The following FGGY variants were observed in gnomAD, a reference collection of about 807,000 sequenced individuals.
FGGY encodes the protein FGGY carbohydrate kinase domain-containing protein.
In FGGY, 72 loss-of-function variants were observed where a neutral mutation model predicts 71.3. The ratio of observed to expected loss-of-function variants is 1.01; its 90% confidence interval spans 0.84 to 1.23. FGGY has a LOEUF of 1.23. Ranked by LOEUF, FGGY falls within the 50% of genes most tolerant of loss-of-function variation. The probability of loss-of-function intolerance (pLI) is 0.00; values close to 1 mark genes in which losing one functional copy is unlikely to be tolerated. For synonymous variants in FGGY, 251 were observed against 250.3 expected (o/e 1.00, Z -0.02); for missense variants, 668 against 682.3 (o/e 0.98, Z 0.23).
intron 14 of FGGY, among the ~76,000 whole-genome samples, chr1:59,740,988 G>T (rs2098142453): frequency 6.6e-6 from 1 of 152,152 alleles, no homozygotes; most frequent in Non-Finnish European, 1.5e-5. Context: ...AATGATATTT[G>T]GGGTATAATA....
intron 7 of FGGY, among the ~76,000 whole-genome samples, chr1:59,517,922 G>C (rs1194604510): frequency 6.6e-6 from 1 of 152,204 alleles, no homozygotes; most frequent in South Asian, 2.1e-4. Flanking sequence ...ATTTCTGCAG[G>C]AGCAAAAGTT....
chr1:59,558,321 A>T lies in FGGY; in HGVS notation c.903+4094A>T, dbSNP rs11582991. Among the ~76,000 whole-genome samples the T allele has an allele frequency of 4.5e-3, 691 of 152,268 alleles. 4 individuals carry two copies. Among genetic ancestry groups the T allele is most frequent in the Admixed American group, 0.014 (213 of 15,298 alleles). ...CATATTGGGGGAACCCACCCCCAAT[A>T]TTTCAACGTAGGTTCTTTCTATTTT... On this transcript the variant is annotated intron_variant, in intron 8 of 15. Coordinates refer to ENST00000303721, the MANE Select transcript of FGGY (RefSeq NM_018291.5).
intron 8 of FGGY, among the ~76,000 whole-genome samples, chr1:59,557,174 TGTTGTGGTTCTGGCAA>T (rs1211308545): frequency 3.9e-5 from 6 of 152,128 alleles, no homozygotes; most frequent in African/African-American, 1.4e-4. Flanking sequence ...GGACCCCCTT[TGTTGTGGTTCTGGCAA>T]ATAAAACCGC....
intron 7 of FGGY, among the ~76,000 whole-genome samples, chr1:59,518,522 C>T (rs1033799464): frequency 2.0e-5 from 3 of 152,052 alleles, no homozygotes; most frequent in African/African-American, 7.2e-5. Flanking sequence ...AATTGTAATC[C>T]CCAGTGTTGG....
intron 9 of FGGY, among the ~76,000 whole-genome samples, chr1:59,613,802 A>T (rs1054021092): frequency 6.6e-6 from 1 of 152,214 alleles, no homozygotes; most frequent in Non-Finnish European, 1.5e-5. Flanking sequence ...ACAATAAAAA[A>T]TGATAAAGGG....
intron 2 of FGGY, among the ~76,000 whole-genome samples, chr1:59,329,482 T>A (rs977622068): frequency 6.6e-6 from 1 of 152,210 alleles, no homozygotes; most frequent in African/African-American, 2.4e-5. Flanking sequence ...TGAAGCACGA[T>A]AAAATGAGGT....
At chr1:59,516,486 G>A (rs138886951) in intron 7 of FGGY, among the ~76,000 whole-genome samples, 247 of 152,314 alleles carry the variant, frequency 1.6e-3, no homozygotes, top group African/African-American at 5.4e-3. Context: ...GCTATGACAA[G>A]GGCACTCAAA....
intron 6 of FGGY, among the ~76,000 whole-genome samples, chr1:59,469,430 G>A (rs1484360880): frequency 1.3e-5 from 2 of 152,132 alleles, no homozygotes; most frequent in Non-Finnish European, 2.9e-5. Context: ...GAGGGGGCTT[G>A]GCTTTATCAG....
At chr1:59,538,319 G>A (rs1035966601) in intron 7 of FGGY, among the ~76,000 whole-genome samples, 1 of 150,502 alleles carries the variant, frequency 6.6e-6, no homozygotes, top group African/African-American at 2.4e-5. Context: ...AGTTAGAATG[G>A]CAATCATTAA....
chr1:59,371,459 G>A (rs1291148809), intron 4 of FGGY, among the ~76,000 whole-genome samples: 7 of 152,034 alleles, frequency 4.6e-5, no homozygotes, highest in Admixed American at 3.9e-4. Flanking sequence ...TTAATAATGG[G>A]AGACTTTAAC....
At chr1:59,671,018 T>A (rs1224938682) in intron 13 of FGGY, among the ~76,000 whole-genome samples, 1 of 152,264 alleles carries the variant, frequency 6.6e-6, no homozygotes, top group East Asian at 1.9e-4. Context: ...TTACTCATTA[T>A]TTTAATTATT....
At chr1:59,508,331 T>G (rs897964472) in intron 6 of FGGY, among the ~76,000 whole-genome samples, 9 of 152,244 alleles carry the variant, frequency 5.9e-5, no homozygotes, top group Admixed American at 2.6e-4. Context: ...TGGAAATCTA[T>G]GCAGGCAATC....
intron 1 of FGGY, among the ~76,000 whole-genome samples, chr1:59,303,080 A>G (rs141936813): frequency 6.6e-6 from 1 of 152,356 alleles, no homozygotes; most frequent in Non-Finnish European, 1.5e-5. Flanking sequence ...AATGATTACC[A>G]CAATCAAGCT....
intron 11 of FGGY, among the ~76,000 whole-genome samples, chr1:59,644,507 G>A (rs2097070050): frequency 6.6e-6 from 1 of 152,102 alleles, no homozygotes; most frequent in Non-Finnish European, 1.5e-5. Context: ...ACAGAAAGGT[G>A]AGGGCTACAC....
chr1:59,481,462 A>G (rs999830592), intron 6 of FGGY, among the ~76,000 whole-genome samples: 2 of 152,176 alleles, frequency 1.3e-5, no homozygotes, highest in Non-Finnish European at 2.9e-5. Flanking sequence ...TCCTGAATGC[A>G]TGTCCCTATT....
At chr1:59,496,687 A>T (rs1011313402) in intron 6 of FGGY, among the ~76,000 whole-genome samples, 8 of 136,698 alleles carry the variant, frequency 5.9e-5, no homozygotes, top group Non-Finnish European at 9.5e-5. Context: ...AATAAAAGTT[A>T]AAAAAAAATA....
chr1:59,748,013 A>G (rs1421890014), intron 14 of FGGY, among the ~76,000 whole-genome samples: 2 of 152,202 alleles, frequency 1.3e-5, no homozygotes, highest in African/African-American at 2.4e-5. Context: ...TCCTCATTGT[A>G]AATTTAAATA....
At chr1:59,567,450 G>C (rs1196009373) in intron 8 of FGGY, among the ~76,000 whole-genome samples, 1 of 152,032 alleles carries the variant, frequency 6.6e-6, no homozygotes, top group Non-Finnish European at 1.5e-5. Flanking sequence ...CAATTCTGTT[G>C]GTTGAGGAAA....
At chr1:59,582,557 C>T (rs2096213544) in intron 8 of FGGY, among the ~76,000 whole-genome samples, 1 of 149,614 alleles carries the variant, frequency 6.7e-6, no homozygotes, top group Non-Finnish European at 1.5e-5. Flanking sequence ...CTATAGCACC[C>T]TTCCCTCTAC....
Sources: gnomAD v4.1 joint callset for allele counts (sites outside exome capture counted in the v4.1 genomes callset) on GRCh38, gnomAD v4.1.1 for gene constraint, MANE v1.5 for transcripts, NCBI Gene and HGNC (gene_info 2026-07-23, HGNC 2026-07-21) for gene names.